Variants in PNN observed in about 807,000 individuals in gnomAD.
PNN encodes the protein pinin.
A neutral mutation model predicts 76.6 loss-of-function variants in PNN; 38 were observed. That is an observed-to-expected ratio of 0.50 (90% confidence interval 0.38 to 0.65). The LOEUF (loss-of-function observed/expected upper bound fraction) is 0.65, where lower values mean the gene tolerates loss of function less well. PNN is among the 30% of genes least tolerant of loss of function. The pLI is 0.00. For missense variants in PNN, 873 were observed against 874.1 expected (o/e 1.00, Z 0.02); for synonymous variants, 366 against 283.7 (o/e 1.29, Z -2.91).
intron 8 of PNN, 33 bp from the exon 9 acceptor site, chr14:39,180,470 T>C (rs1313138658): frequency 1.3e-6 from 2 of 1,501,982 alleles, no homozygotes; most frequent in Non-Finnish European, 1.8e-6. Context: ...TCTTAATCGG[T>C]AAATTTTACA....
At chr14:39,177,740 A>C in intron 5 of PNN, 53 bp downstream of exon 5, 1 of 1,482,314 alleles carries the variant, frequency 6.7e-7, no homozygotes, top group Non-Finnish European at 9.4e-7. Context: ...TATAAGGAAA[A>C]TCAAGGGATT....
intron 8 of PNN, 31 bp downstream of exon 8, chr14:39,179,493 T>C: frequency 6.3e-7 from 1 of 1,579,882 alleles, no homozygotes; most frequent in Non-Finnish European, 8.6e-7. Flanking sequence ...ATTGAATTGT[T>C]CATAGTGGGT....
In PNN at chr14:39,181,251, C is replaced by G. The variant is rs1324524400; in HGVS notation, c.1542C>G (p.Pro514=). ...CATTAGCTGTTTTACAGCCAACACC[C>G]CAAGTTACTCAGGAGCAAGGGCATT... is the stretch of plus-strand genomic sequence containing the variant. ...DLSLAVLQPT[P]QVTQEQGHLL... Residue 514 remains proline, a synonymous_variant, in exon 9 of 9, where the codon CCC becomes CCG. Coordinates refer to ENST00000216832, the MANE Select transcript of PNN (RefSeq NM_002687.4). 7 of 1,614,090 alleles carry G rather than the reference C, an allele frequency of 4.3e-6. No homozygotes were observed. Among genetic ancestry groups the G allele is most frequent in the South Asian group, 2.2e-5 (2 of 91,082 alleles).
intron 5 of PNN, 77 bp downstream of exon 5, chr14:39,177,764 G>A: frequency 6.9e-7 from 1 of 1,439,936 alleles, no homozygotes; most frequent in Non-Finnish European, 9.8e-7. Context: ...CAAGCATCCT[G>A]TAGTATTTCT....
In PNN at chr14:39,175,401, C is replaced by T. The variant is rs746108868; in HGVS notation, c.113+9C>T. 8 of 1,542,204 alleles carry T rather than the reference C, an allele frequency of 5.2e-6. No individual in the cohort carries two copies. The highest frequency in any genetic ancestry group is 6.3e-6 in the Non-Finnish European group (7 of 1,115,956). On this transcript the variant is annotated intron_variant, in intron 1 of 8. Coordinates refer to ENST00000216832, the MANE Select transcript of PNN (RefSeq NM_002687.4). ...GATCCGAATGACGTGAGGTAAGGGC[C>T]TAACGGGAACTCGGAACTCGGAGCT...
chr14:39,175,519 G>C, intron 1 of PNN, 127 bp downstream of exon 1: 1 of 688,150 alleles, frequency 1.5e-6, no homozygotes, highest in East Asian at 2.8e-5. Context: ...TCGCGGGGCG[G>C]CGGGTAAAAC....
In PNN at chr14:39,181,026, T is replaced by C. The variant is rs775305415; in HGVS notation, c.1317T>C (p.Cys439=). 70 of 1,612,408 alleles carry C rather than the reference T, an allele frequency of 4.3e-5. No homozygotes were observed. The Admixed American group carries it at 9.0e-4, about 21-fold the overall frequency. ...TTGAAATTGAGCCAGATAAAGAATG[T>C]AAAACCCTTTCTCCTGGGAAAGAGA... ...MEFEIEPDKE[C]KTLSPGKENV... is the part of the protein sequence containing the mutation. Residue 439 remains cysteine (C), a synonymous_variant, in exon 9 of 9, where the codon TGT becomes TGC. Transcript: ENST00000216832.
At chr14:39,175,440 C>T (rs1285961759) in intron 1 of PNN, 48 bp downstream of exon 1, 13 of 1,205,624 alleles carry the variant, frequency 1.1e-5, no homozygotes, top group Non-Finnish European at 1.6e-5. Flanking sequence ...AGAGGCAGCC[C>T]TCAGGTCGGG....
chr14:39,180,357 G>T (rs2053260121), intron 8 of PNN, 146 bp from the exon 9 acceptor site: 1 of 758,514 alleles, frequency 1.3e-6, no homozygotes, highest in Admixed American at 3.5e-5. Flanking sequence ...TCAGTTTGTG[G>T]TTACTTAATT....
At chr14:39,177,713 T>C in intron 5 of PNN, 26 bp downstream of exon 5, 2 of 1,551,690 alleles carry the variant, frequency 1.3e-6, no homozygotes, top group African/African-American at 1.4e-5. Flanking sequence ...AAAAAAACTC[T>C]AGTGAAATAA....
chr14:39,180,002 T>TA (rs1258862426), intron 8 of PNN, among the ~76,000 whole-genome samples: 8 of 152,302 alleles, frequency 5.3e-5, no homozygotes, highest in Non-Finnish European at 1.0e-4. Flanking sequence ...AGACAGTGCT[T>TA]ATGCATCTGT....
chr14:39,177,640 T>G lies in PNN; in HGVS notation c.375T>G (p.Arg125=). ...SVVATSKERT[R]RDLIQDQNMD... The stretch of plus-strand genomic sequence containing the variant: ...TAGCTACCTCCAAAGAGCGCACACG[T>G]AGAGACCTTATCCAGGATCAAAATA... The change falls in exon 5 of 9, where the codon CGT becomes CGG. Residue 125 remains arginine (R), a synonymous_variant. Coordinates refer to ENST00000216832, the MANE Select transcript of PNN (RefSeq NM_002687.4). 1 of 1,613,886 alleles carries G rather than the reference T, an allele frequency of 6.2e-7. No individual in the cohort carries two copies. Among genetic ancestry groups the G allele is most frequent in the Non-Finnish European group, 8.5e-7 (1 of 1,179,808 alleles).
rs764754418 is a variant in PNN, at chr14:39,181,808, G to C, written c.2099G>C (p.Arg700Thr). The change falls in exon 9 of 9, where the codon AGA becomes ACA. Residue 700 changes from arginine to threonine, a missense_variant. Transcript: ENST00000216832. ...TCAGAGAGTAGTCGATCAGGCAAAA[G>C]ATCTTCAAGAAGTGAAAGAGACCGA... The part of the protein sequence containing the change: ...SISESSRSGK[R>T]SSRSERDRKS... 5 of 1,610,358 alleles carry C rather than the reference G, an allele frequency of 3.1e-6. No homozygotes were observed. Among genetic ancestry groups the C allele is most frequent in the Non-Finnish European group, 4.2e-6 (5 of 1,179,162 alleles).
rs970055483 is a variant in PNN at position 39,176,073 on chromosome 14, T to C, written c.114-5T>C. 2 of 1,579,514 alleles carry C rather than the reference T, an allele frequency of 1.3e-6. No homozygotes were observed. The highest frequency in any genetic ancestry group is 3.3e-5 in the Admixed American group (2 of 59,830). Reference sequence around the variant, plus strand: ...ATTTTGCACTGATTTGTAAATCTTTTACAGGCCCATCCAAGCCAGATTGCT... The same window carrying C: ...ATTTTGCACTGATTTGTAAATCTTTCACAGGCCCATCCAAGCCAGATTGCT... On this transcript the variant is annotated splice_region_variant and splice_polypyrimidine_tract_variant and intron_variant, in intron 1 of 8. Transcript: ENST00000216832.
At chr14:39,176,301 A>G (rs2753604) in intron 2 of PNN, 152 bp downstream of exon 2, 2 of 635,096 alleles carry the variant, frequency 3.1e-6, no homozygotes, top group African/African-American at 1.8e-5. Flanking sequence ...CTGTATAAAT[A>G]TAGTTATCCT....
At position 39,180,500 on chromosome 14, in the gene PNN, T is replaced by G; in HGVS notation, c.794-3T>G. The G allele has an allele frequency of 6.5e-7, 1 of 1,549,644 alleles. No homozygotes were observed. The highest frequency in any genetic ancestry group is 8.7e-7 in the Non-Finnish European group (1 of 1,152,140). The stretch of plus-strand genomic sequence containing the variant: ...TTTACACATGTAAATTTTTATTCTT[T>G]AGCTTTATTTGAAGGTAGACGCATC... On this transcript the variant is annotated splice_polypyrimidine_tract_variant and splice_region_variant and intron_variant, in intron 8 of 8. Transcript: ENST00000216832.
chr14:39,179,479 G>A lies in PNN; in HGVS notation c.793+17G>A, dbSNP rs2053253964. The A allele has an allele frequency of 9.3e-6, 15 of 1,605,376 alleles. No individual in the cohort carries two copies. In the East Asian group the frequency reaches 2.9e-4, roughly 31 times the overall value. ...AAATGAACGGTAAGTATGCGAAGAG[G>A]TCCATTGAATTGTTCATAGTGGGTA... is the stretch of plus-strand genomic sequence containing the variant. On this transcript the variant is annotated intron_variant, in intron 8 of 8. Transcript: ENST00000216832.
At position 39,179,150 on chromosome 14, in the gene PNN, G is replaced by T; in HGVS notation, c.558G>T (p.Lys186Asn). Residue 186 changes from lysine to asparagine, a missense_variant, in exon 7 of 9, where the codon AAG (lysine) becomes AAT (asparagine). Transcript: ENST00000216832. ...KLEVQAEEERKQVENERRELF... is the reference protein window; with the variant it reads ...KLEVQAEEERNQVENERRELF... ...AAGTTCAGGCAGAAGAAGAGAGAAA[G>T]CAGGTTGAAAATGAAAGGAGAGAAC... is the stretch of plus-strand genomic sequence containing the variant. The T allele has an allele frequency of 6.2e-7, 1 of 1,613,996 alleles. No individual in the cohort carries two copies. Among genetic ancestry groups the T allele is most frequent in the Non-Finnish European group, 8.5e-7 (1 of 1,179,958 alleles).
At chr14:39,178,933 G>T in intron 6 of PNN, 158 bp from the exon 7 acceptor site, 2 of 630,948 alleles carry the variant, frequency 3.2e-6, no homozygotes. Context: ...TAGAGATGGT[G>T]GTGTTGGCTT....
Sources: allele counts gnomAD v4.1 joint callset (sites outside exome capture counted in the v4.1 genomes callset), GRCh38; gene constraint gnomAD v4.1.1; transcripts MANE v1.5; gene names NCBI Gene and HGNC (gene_info 2026-07-23, HGNC 2026-07-21).